MALRD1: variants seen among roughly 807,000 people sequenced by gnomAD.
MALRD1 encodes the protein MAM and LDL-receptor class A domain-containing protein 1.
Under a neutral mutation model 242.1 loss-of-function variants are expected in MALRD1, and 247 were observed. The observed-to-expected ratio is 1.02, with a 90% CI of 0.92 to 1.13. MALRD1 has a LOEUF of 1.13. Ranked by LOEUF, MALRD1 falls within the 50% of genes most tolerant of loss-of-function variation. MALRD1 has a pLI of 0.00. For synonymous variants in MALRD1, 995 were observed against 866.6 expected (o/e 1.15, Z -2.60); for missense variants, 2,989 against 2,533.1 (o/e 1.18, Z -3.86).
intron 28 of MALRD1, among the ~76,000 whole-genome samples, chr10:19,411,056 C>A (rs375998621): frequency 6.6e-6 from 1 of 151,982 alleles, no homozygotes; most frequent in Non-Finnish European, 1.5e-5. Context: ...ATGAAATCTG[C>A]GACTTTTTGA....
At chr10:19,680,028 T>C (rs1318386363) in intron 36 of MALRD1, among the ~76,000 whole-genome samples, 5 of 152,304 alleles carry the variant, frequency 3.3e-5, no homozygotes, top group African/African-American at 9.6e-5. Flanking sequence ...TTGTTTCTTT[T>C]GCATTTGCTG....
intron 38 of MALRD1, among the ~76,000 whole-genome samples, chr10:19,695,484 G>A (rs1833334586): frequency 6.6e-6 from 1 of 150,750 alleles, no homozygotes; most frequent in Non-Finnish European, 1.5e-5. Flanking sequence ...AATCATGGTA[G>A]AAGGCAAAAG....
At chr10:19,698,043 A>G (rs1833457476) in intron 38 of MALRD1, among the ~76,000 whole-genome samples, 2 of 152,192 alleles carry the variant, frequency 1.3e-5, no homozygotes, top group South Asian at 4.1e-4. Flanking sequence ...TCTCTCTGTT[A>G]CTGAAATATT....
intron 28 of MALRD1, among the ~76,000 whole-genome samples, chr10:19,419,195 T>C (rs549123771): frequency 6.6e-6 from 1 of 152,282 alleles, no homozygotes; most frequent in South Asian, 2.1e-4. Flanking sequence ...CTTTACACTT[T>C]CCTGGTTTAA....
chr10:19,129,375 G>A (rs2131395273), intron 8 of MALRD1, among the ~76,000 whole-genome samples: 1 of 152,166 alleles, frequency 6.6e-6, no homozygotes, highest in East Asian at 1.9e-4. Flanking sequence ...AGATGAATAG[G>A]GCAAAGTATG....
chr10:19,338,624 A>G (rs762962395), intron 24 of MALRD1, among the ~76,000 whole-genome samples: 11 of 152,044 alleles, frequency 7.2e-5, no homozygotes, highest in African/African-American at 1.2e-4. Flanking sequence ...GCCAAACCAT[A>G]TAATAGTAGG....
chr10:19,177,855 C>G (rs982500608), intron 14 of MALRD1, among the ~76,000 whole-genome samples: 1 of 151,984 alleles, frequency 6.6e-6, no homozygotes, highest in Non-Finnish European at 1.5e-5. Flanking sequence ...TTTCTTCCCC[C>G]CTGGGAACAG....
chr10:19,577,632 A>T (rs568035950), intron 33 of MALRD1, among the ~76,000 whole-genome samples: 86 of 152,308 alleles, frequency 5.6e-4, no homozygotes, highest in Admixed American at 4.7e-3. Context: ...TGTCTCATCC[A>T]GAACTCAAAG....
chr10:19,306,061 C>T (rs1438616447), intron 21 of MALRD1, among the ~76,000 whole-genome samples: 1 of 98,054 alleles, frequency 1.0e-5, no homozygotes, highest in Non-Finnish European at 1.9e-5. Context: ...ATTTATTATA[C>T]TATACTATAT....
chr10:19,056,513 G>A (rs928911404), intron 1 of MALRD1, among the ~76,000 whole-genome samples: 12 of 151,796 alleles, frequency 7.9e-5, no homozygotes, highest in Non-Finnish European at 1.3e-4. Flanking sequence ...ATAGAAAAAC[G>A]ATTGATTTTT....
chr10:19,355,317 C>T (rs1425353736), intron 26 of MALRD1, among the ~76,000 whole-genome samples: 1 of 151,584 alleles, frequency 6.6e-6, no homozygotes, highest in Non-Finnish European at 1.5e-5. Flanking sequence ...AATGAACCTA[C>T]ATTGAAAAGA....
At chr10:19,283,224 T>C in intron 21 of MALRD1, 43 bp downstream of exon 21, 1 of 1,372,242 alleles carries the variant, frequency 7.3e-7, no homozygotes, top group Non-Finnish European at 9.6e-7. Context: ...GGGAAATATT[T>C]ATTAAGCATC....
At chr10:19,100,049 C>A (rs575862000) in intron 4 of MALRD1, among the ~76,000 whole-genome samples, 1 of 152,206 alleles carries the variant, frequency 6.6e-6, no homozygotes, top group South Asian at 2.1e-4. Context: ...GTGTGAACCA[C>A]CATAATAATA....
Position 19,227,948 on chromosome 10 carries a change from G to A in MALRD1, c.2991+18268G>A, listed in dbSNP as rs185433372. 1.4e-3 allele frequency among the ~76,000 whole-genome samples: 211 copies of A among 152,192 alleles called. 1 individual carries two copies. The highest frequency in any genetic ancestry group is 4.9e-3 in the African/African-American group (203 of 41,520). ...GTACACCCACTGGAGTGGCTGACACGGGCAGAACTGACCATACCACATGAT... is the reference window on the plus strand; with the variant it reads ...GTACACCCACTGGAGTGGCTGACACAGGCAGAACTGACCATACCACATGAT... On this transcript the variant is annotated intron_variant, in intron 18 of 39. Coordinates refer to ENST00000454679, the MANE Select transcript of MALRD1 (RefSeq NM_001142308.3).
intron 36 of MALRD1, among the ~76,000 whole-genome samples, chr10:19,658,390 T>C (rs924918921): frequency 2.0e-4 from 30 of 152,128 alleles, no homozygotes; most frequent in African/African-American, 6.5e-4. Context: ...TATTTGAAGC[T>C]TCTGTTCTGT....
At position 19,155,239 on chromosome 10, in the gene MALRD1, T is replaced by A. The variant is rs917506881; in HGVS notation, c.1656+67T>A. 3 of 817,062 alleles carry A rather than the reference T, an allele frequency of 3.7e-6. No individual in the cohort carries two copies. The African/African-American group carries it at 5.3e-5, about 14-fold the overall frequency. The allele number at this position is 817,062 out of a possible 1,614,324, so 50.6% of individuals were successfully genotyped here. A position where few individuals can be genotyped will look rare whatever the true frequency, so the allele number is the denominator to read the frequency against. ...GTAAATCGCTGAGCTTGGGTTACTCTGCTAGTAATTGCCCGCCATGTTTTA... is the reference window on the plus strand; with the variant it reads ...GTAAATCGCTGAGCTTGGGTTACTCAGCTAGTAATTGCCCGCCATGTTTTA... On this transcript the variant is annotated intron_variant, in intron 12 of 39. Transcript: ENST00000454679.
At chr10:19,187,139 G>T (rs1333771912) in intron 14 of MALRD1, among the ~76,000 whole-genome samples, 1 of 152,168 alleles carries the variant, frequency 6.6e-6, no homozygotes, top group Non-Finnish European at 1.5e-5. Context: ...AGCTGACAGT[G>T]TTTGAAGTAA....
intron 26 of MALRD1, among the ~76,000 whole-genome samples, chr10:19,382,363 A>AAT (rs145382309): frequency 6.6e-6 from 1 of 151,478 alleles, no homozygotes; most frequent in Non-Finnish European, 1.5e-5. Context: ...TGTATGTGTG[A>AAT]GTGTGTGTGT....
chr10:19,280,777 CTATT>C (rs1305477794), intron 20 of MALRD1, among the ~76,000 whole-genome samples: 1 of 152,176 alleles, frequency 6.6e-6, no homozygotes, highest in African/African-American at 2.4e-5. Flanking sequence ...CAAAGACAAA[CTATT>C]TAGTTTAAAA....
Sources: allele counts gnomAD v4.1 joint callset (sites outside exome capture counted in the v4.1 genomes callset), GRCh38; gene constraint gnomAD v4.1.1; transcripts MANE v1.5; gene names NCBI Gene and HGNC (gene_info 2026-07-23, HGNC 2026-07-21).